The following MAPK10 variants were observed in gnomAD, a reference collection of about 807,000 sequenced individuals.
The protein encoded by MAPK10 is mitogen-activated protein kinase 10, also known as JNK3 alpha protein kinase.
In MAPK10, 25 loss-of-function variants were observed where a neutral mutation model predicts 59.3. The observed-to-expected ratio is 0.42, with a 90% CI of 0.31 to 0.59. The LOEUF is 0.59. MAPK10 is among the 20% of genes least tolerant of loss of function. The probability of loss-of-function intolerance (pLI) is 0.15; values close to 1 mark genes in which losing one functional copy is unlikely to be tolerated. For missense variants in MAPK10, 351 were observed against 568.9 expected (o/e 0.62, Z 3.90); for synonymous variants, 190 against 200.5 (o/e 0.95, Z 0.44).
intron 1 of MAPK10, among the ~76,000 whole-genome samples, chr4:86,423,634 T>C (rs1195950680): frequency 6.6e-6 from 1 of 151,748 alleles, no homozygotes; most frequent in Non-Finnish European, 1.5e-5. Context: ...GAGGGGGTTA[T>C]TTTTTGTGAA....
chr4:86,167,980 C>T (rs1489333632), intron 3 of MAPK10, among the ~76,000 whole-genome samples: 2 of 152,210 alleles, frequency 1.3e-5, no homozygotes, highest in East Asian at 1.9e-4. Flanking sequence ...TAGAAAATCC[C>T]ATTGTCTCAG....
intron 11 of MAPK10, among the ~76,000 whole-genome samples, chr4:86,062,500 A>G (rs947276050): frequency 1.3e-4 from 20 of 152,282 alleles, no homozygotes; most frequent in Non-Finnish European, 2.5e-4. Flanking sequence ...TTTATAGGCA[A>G]CATAATTAAA....
At chr4:86,285,694 A>T (rs560811897) in intron 2 of MAPK10, among the ~76,000 whole-genome samples, 3 of 152,286 alleles carry the variant, frequency 2.0e-5, no homozygotes, top group South Asian at 4.1e-4. Flanking sequence ...AATCAACAGG[A>T]TATATATACA....
chr4:86,283,400 T>C (rs1304918221), intron 2 of MAPK10, among the ~76,000 whole-genome samples: 2 of 152,196 alleles, frequency 1.3e-5, no homozygotes, highest in Admixed American at 1.3e-4. Flanking sequence ...TTCTAAATAG[T>C]GTGTTCTTTT....
At chr4:86,035,638 A>G (rs1289178024) in intron 11 of MAPK10, among the ~76,000 whole-genome samples, 1 of 152,198 alleles carries the variant, frequency 6.6e-6, no homozygotes, top group Admixed American at 6.5e-5. Flanking sequence ...ATGTTAATAA[A>G]TAAACTTGGT....
At chr4:86,021,272 G>C (rs1162768006) in intron 13 of MAPK10, among the ~76,000 whole-genome samples, 3 of 152,030 alleles carry the variant, frequency 2.0e-5, no homozygotes, top group Non-Finnish European at 1.5e-5. Context: ...GGTTTTCCAA[G>C]GCCCCACCAG....
At chr4:86,140,590 G>A (rs1262346382) in intron 4 of MAPK10, among the ~76,000 whole-genome samples, 3 of 149,632 alleles carry the variant, frequency 2.0e-5, no homozygotes, top group African/African-American at 5.0e-5. Context: ...GCTAGATGAC[G>A]AGTTAGTGGG....
chr4:86,206,103 G>C (rs2083832327), intron 2 of MAPK10, among the ~76,000 whole-genome samples: 1 of 151,750 alleles, frequency 6.6e-6, no homozygotes, highest in Non-Finnish European at 1.5e-5. Context: ...GTGCAGGTTA[G>C]TTACATATGT....
intron 2 of MAPK10, among the ~76,000 whole-genome samples, chr4:86,264,495 G>A (rs926164510): frequency 6.6e-6 from 1 of 152,178 alleles, no homozygotes; most frequent in Non-Finnish European, 1.5e-5. Context: ...TAGCTGGTAG[G>A]TTGTGAGTTG....
intron 1 of MAPK10, among the ~76,000 whole-genome samples, chr4:86,551,523 C>A (rs894325582): frequency 3.3e-5 from 5 of 152,072 alleles, no homozygotes; most frequent in Admixed American, 2.0e-4. Flanking sequence ...TTTCTTCCTT[C>A]CATCTTTCCT....
At chr4:86,514,827 G>T (rs766005269) in intron 1 of MAPK10, among the ~76,000 whole-genome samples, 4 of 152,124 alleles carry the variant, frequency 2.6e-5, no homozygotes, top group Non-Finnish European at 4.4e-5. Flanking sequence ...CAATGTGTGT[G>T]GGGTTTACTT....
chr4:86,394,998 TA>T (rs527530890), intron 1 of MAPK10, among the ~76,000 whole-genome samples: 83 of 152,208 alleles, frequency 5.5e-4, no homozygotes, highest in African/African-American at 1.9e-3. Context: ...CTCTCCAAAA[TA>T]AAAAGGCATG....
At chr4:86,054,439 C>T (rs1209540893) in intron 11 of MAPK10, among the ~76,000 whole-genome samples, 1 of 152,124 alleles carries the variant, frequency 6.6e-6, no homozygotes, top group African/African-American at 2.4e-5. Context: ...CAAGCAAAAT[C>T]TAATGAAGCT....
intron 1 of MAPK10, among the ~76,000 whole-genome samples, chr4:86,471,447 G>T (rs538308809): frequency 1.3e-3 from 195 of 152,242 alleles, no homozygotes; most frequent in African/African-American, 4.6e-3. Context: ...TCTAATGGAT[G>T]CTGAACACAA....
intron 2 of MAPK10, among the ~76,000 whole-genome samples, chr4:86,222,899 G>C (rs2089938917): frequency 6.6e-6 from 1 of 152,146 alleles, no homozygotes; most frequent in African/African-American, 2.4e-5. Flanking sequence ...CACTTATTCA[G>C]TACATGCAAA....
At chr4:86,409,128 A>C (rs1488285169) in intron 1 of MAPK10, among the ~76,000 whole-genome samples, 1 of 152,202 alleles carries the variant, frequency 6.6e-6, no homozygotes, top group Non-Finnish European at 1.5e-5. Flanking sequence ...GTGGCTAGCC[A>C]GTTTTCTCAA....
intron 1 of MAPK10, among the ~76,000 whole-genome samples, chr4:86,587,607 G>A (rs1270651913): frequency 6.6e-6 from 1 of 152,174 alleles, no homozygotes; most frequent in Non-Finnish European, 1.5e-5. Flanking sequence ...AAGCAAGAAA[G>A]GATAATATGC....
At chr4:86,520,564 G>C (rs1403663824) in intron 1 of MAPK10, among the ~76,000 whole-genome samples, 3 of 151,704 alleles carry the variant, frequency 2.0e-5, no homozygotes, top group African/African-American at 7.3e-5. Flanking sequence ...TCTCTCTCTA[G>C]TGCCTCCTTG....
chr4:86,103,079 G>C, intron 6 of MAPK10, 107 bp downstream of exon 6: 1 of 601,476 alleles, frequency 1.7e-6, no homozygotes, highest in Non-Finnish European at 3.0e-6. Flanking sequence ...TCAACTCTGT[G>C]TGTGTGTGTG....
Sources: gnomAD v4.1 joint callset for allele counts (sites outside exome capture counted in the v4.1 genomes callset) on GRCh38, gnomAD v4.1.1 for gene constraint, MANE v1.5 for transcripts, NCBI Gene and HGNC (gene_info 2026-07-23, HGNC 2026-07-21) for gene names.